Variants in UBE2H observed in about 807,000 individuals in gnomAD.
UBE2H encodes ubiquitin conjugating enzyme E2 H.
Under a neutral mutation model 29.0 loss-of-function variants are expected in UBE2H, and 3 were observed. That is an observed-to-expected ratio of 0.10 (90% confidence interval 0.05 to 0.27). The LOEUF is 0.27. Among genes scored for constraint, UBE2H ranks in the 10% least tolerant of loss-of-function variants. UBE2H has a pLI of 1.00. For synonymous variants in UBE2H, 69 were observed against 82.9 expected (o/e 0.83, Z 0.91); for missense variants, 68 against 228.2 (o/e 0.30, Z 4.52).
Position 129,839,203 on chromosome 7 carries a change from T to C in UBE2H, c.427+4A>G. Reference sequence around the variant, plus strand: ...TCTCCAGGTTAAACTACCCATCCTCTTACCTTTAATTTTCTGCTTGTATTC... The same window carrying C: ...TCTCCAGGTTAAACTACCCATCCTCCTACCTTTAATTTTCTGCTTGTATTC... On this transcript the variant is annotated splice_donor_region_variant and intron_variant, in intron 6 of 6. Coordinates refer to ENST00000355621, the MANE Select transcript of UBE2H (RefSeq NM_003344.4). The C allele has an allele frequency of 6.2e-7, 1 of 1,612,240 alleles. No homozygotes were observed. The highest frequency in any genetic ancestry group is 1.1e-5 in the South Asian group (1 of 90,592).
chr7:129,906,560 A>T (rs13242512), intron 1 of UBE2H, among the ~76,000 whole-genome samples: 7,112 of 152,244 alleles, frequency 0.047, 233 homozygotes, highest in South Asian at 0.097. Flanking sequence ...TGAGAAACAG[A>T]TAGGCATCTA....
intron 1 of UBE2H, among the ~76,000 whole-genome samples, chr7:129,905,039 G>A (rs1404335855): frequency 6.6e-6 from 1 of 152,076 alleles, no homozygotes; most frequent in African/African-American, 2.4e-5. Flanking sequence ...TTCAACTCGA[G>A]ATCAACACAC....
chr7:129,883,481 A>C (rs1227794062), intron 1 of UBE2H, among the ~76,000 whole-genome samples: 1 of 152,248 alleles, frequency 6.6e-6, no homozygotes, highest in Non-Finnish European at 1.5e-5. Flanking sequence ...GACAATCCAA[A>C]CGTTCATCAA....
chr7:129,880,755 A>G (rs1369508366), intron 2 of UBE2H, 140 bp downstream of exon 2: 2 of 670,586 alleles, frequency 3.0e-6, no homozygotes, highest in Non-Finnish European at 4.9e-6. Context: ...GTGATAAGAG[A>G]AAGATTTCCT....
chr7:129,924,197 C>T (rs1254076306), intron 1 of UBE2H, among the ~76,000 whole-genome samples: 1 of 152,144 alleles, frequency 6.6e-6, no homozygotes, highest in Non-Finnish European at 1.5e-5. Flanking sequence ...TATAGTGAGA[C>T]CCTGTCTCTA....
intron 1 of UBE2H, among the ~76,000 whole-genome samples, chr7:129,912,974 A>C (rs1457495415): frequency 6.6e-6 from 1 of 152,192 alleles, no homozygotes; most frequent in Non-Finnish European, 1.5e-5. Flanking sequence ...ACATTGGGCC[A>C]GGTGCGGTGG....
chr7:129,910,464 G>A (rs1806910278), intron 1 of UBE2H, among the ~76,000 whole-genome samples: 1 of 152,194 alleles, frequency 6.6e-6, no homozygotes, highest in African/African-American at 2.4e-5. Context: ...CCGATGGTAG[G>A]AAGGCACTAC....
chr7:129,882,998 C>T (rs1327962785), intron 1 of UBE2H, among the ~76,000 whole-genome samples: 2 of 151,918 alleles, frequency 1.3e-5, no homozygotes, highest in African/African-American at 2.4e-5. Context: ...GAAAAAAATA[C>T]AAATACCCCA....
At position 129,832,585 on chromosome 7, in the gene UBE2H, C is replaced by A. The variant is rs142632543; in HGVS notation, c.*2352G>T. 1 of 152,138 alleles carries A rather than the reference C, an allele frequency of 6.6e-6. No individual in the cohort carries two copies. Among genetic ancestry groups the A allele is most frequent in the African/African-American group, 2.4e-5 (1 of 41,392 alleles). The allele number at this position is 152,138 out of a possible 1,614,324, so 9.4% of individuals were successfully genotyped here. A position where few individuals can be genotyped will look rare whatever the true frequency, so the allele number is the denominator to read the frequency against. ...GGTCATTTGACAATTCTGCATCTTC[C>A]GCTCTCTGGTGCTGGGGCTCTGGTC... On this transcript the variant is annotated 3_prime_UTR_variant, in exon 7 of 7. Coordinates refer to ENST00000355621, the MANE Select transcript of UBE2H (RefSeq NM_003344.4).
At chr7:129,931,972 C>T (rs182260983) in intron 1 of UBE2H, among the ~76,000 whole-genome samples, 1 of 151,796 alleles carries the variant, frequency 6.6e-6, no homozygotes, top group East Asian at 1.9e-4. Context: ...TACAAGCGCC[C>T]GCCACCACAC....
At chr7:129,885,265 G>C (rs1806337009) in intron 1 of UBE2H, among the ~76,000 whole-genome samples, 1 of 152,164 alleles carries the variant, frequency 6.6e-6, no homozygotes, top group African/African-American at 2.4e-5. Flanking sequence ...GAGTAGTGCA[G>C]AAGATTAAAC....
intron 3 of UBE2H, among the ~76,000 whole-genome samples, chr7:129,861,973 A>C (rs1265804214): frequency 6.6e-6 from 1 of 152,232 alleles, no homozygotes; most frequent in Non-Finnish European, 1.5e-5. Context: ...TTTAAGAAAA[A>C]GCCAGTAAAA....
rs71704122 is a variant in UBE2H at position 129,900,751 on chromosome 7, C to CTT, written c.54-19782_54-19781dup. Among the ~76,000 whole-genome samples, 100 of 133,828 alleles carry CTT rather than the reference C, an allele frequency of 7.5e-4. 2 individuals carry two copies. In the East Asian group the frequency reaches 0.012, roughly 16 times the overall value. The allele number at this position is 133,828 out of a possible 152,430, so 87.8% of individuals were successfully genotyped here. ...ATCGTATGATTAAGATTTCTTTTTC[C>CTT]TTTTTTTTTTTTTTTTTGAGACAGA... On this transcript the variant is annotated intron_variant, in intron 1 of 6. Transcript: ENST00000355621.
intron 1 of UBE2H, among the ~76,000 whole-genome samples, chr7:129,932,834 T>C (rs1807438476): frequency 6.7e-6 from 1 of 148,242 alleles, no homozygotes; most frequent in Non-Finnish European, 1.5e-5. Context: ...CAGAAAACTG[T>C]TGGCTGGGCA....
intron 5 of UBE2H, among the ~76,000 whole-genome samples, chr7:129,841,863 C>T (rs1340953697): frequency 6.6e-6 from 1 of 152,156 alleles, no homozygotes; most frequent in Admixed American, 6.5e-5. Context: ...TATATAACCC[C>T]CAAACTATCT....
intron 1 of UBE2H, among the ~76,000 whole-genome samples, chr7:129,935,266 T>C (rs992831503): frequency 6.6e-6 from 1 of 151,456 alleles, no homozygotes; most frequent in African/African-American, 2.4e-5. Flanking sequence ...ATACAAAAAT[T>C]TGCTGGGCGT....
At chr7:129,904,287 T>TC (rs1163994428) in intron 1 of UBE2H, among the ~76,000 whole-genome samples, 1 of 148,264 alleles carries the variant, frequency 6.7e-6, no homozygotes, top group Non-Finnish European at 1.5e-5. Context: ...AGGTGTGTCT[T>TC]TTTTTTTTTT....
chr7:129,918,103 AAAGC>A (rs1807079939), intron 1 of UBE2H, among the ~76,000 whole-genome samples: 1 of 152,216 alleles, frequency 6.6e-6, no homozygotes. Flanking sequence ...TTCATGTCTT[AAAGC>A]AAGACAAATG....
chr7:129,880,811 A>G (rs781707959), intron 2 of UBE2H, 84 bp downstream of exon 2: 1 of 1,270,254 alleles, frequency 7.9e-7, no homozygotes, highest in Non-Finnish European at 1.1e-6. Context: ...GAAACTACGC[A>G]TGCTACCATC....
Sources: gnomAD v4.1 joint callset for allele counts (sites outside exome capture counted in the v4.1 genomes callset) on GRCh38, gnomAD v4.1.1 for gene constraint, MANE v1.5 for transcripts, NCBI Gene and HGNC (gene_info 2026-07-23, HGNC 2026-07-21) for gene names.